CDH12: variants seen among roughly 807,000 people sequenced by gnomAD.
CDH12 encodes cadherin-12.
A neutral mutation model predicts 74.1 loss-of-function variants in CDH12; 41 were observed. The observed-to-expected ratio is 0.55, with a 90% CI of 0.43 to 0.72. CDH12 has a LOEUF of 0.72. Among genes scored for constraint, CDH12 ranks in the 30% least tolerant of loss-of-function variants. CDH12 has a pLI of 0.00. For synonymous variants in CDH12, 399 were observed against 355.0 expected (o/e 1.12, Z -1.39); for missense variants, 945 against 977.2 (o/e 0.97, Z 0.44).
chr5:22,113,400 A>C (rs1744923731), intron 4 of CDH12, among the ~76,000 whole-genome samples: 1 of 152,112 alleles, frequency 6.6e-6, no homozygotes, highest in Non-Finnish European at 1.5e-5. Context: ...CCATCAGAAG[A>C]ATCTTGGTCT....
At chr5:21,927,427 TAA>T (rs60889470) in intron 6 of CDH12, among the ~76,000 whole-genome samples, 22 of 148,954 alleles carry the variant, frequency 1.5e-4, no homozygotes, top group Admixed American at 4.0e-4. Context: ...CTACTAAAAA[TAA>T]AAAAAAAAAT....
At chr5:22,067,316 A>G (rs570390096) in intron 5 of CDH12, among the ~76,000 whole-genome samples, 2 of 152,338 alleles carry the variant, frequency 1.3e-5, no homozygotes, top group Admixed American at 1.3e-4. Context: ...GGAGCCTAGT[A>G]CTACCGGACA....
intron 4 of CDH12, among the ~76,000 whole-genome samples, chr5:22,104,243 A>T (rs1462175472): frequency 6.6e-6 from 1 of 152,208 alleles, no homozygotes; most frequent in Admixed American, 6.5e-5. Flanking sequence ...ATACTAAAAA[A>T]TAATTAGCTC....
chr5:22,044,352 G>A lies in CDH12; in HGVS notation c.231+34094C>T, dbSNP rs142953420. On this transcript the variant is annotated intron_variant, in intron 5 of 14. Coordinates refer to ENST00000382254, the MANE Select transcript of CDH12 (RefSeq NM_004061.5). ...GTTTAATTAACTCACAGTTCTGCAT[G>A]GCTGGAAGGACTCAGGAAACTAACA... 3.5e-3 allele frequency among the ~76,000 whole-genome samples: 530 copies of A among 152,288 alleles called. 1 individual carries two copies. The highest frequency in any genetic ancestry group is 0.012 in the African/African-American group (515 of 41,562).
intron 7 of CDH12, among the ~76,000 whole-genome samples, chr5:21,844,580 G>C (rs1381183202): frequency 3.3e-5 from 5 of 152,162 alleles, no homozygotes; most frequent in African/African-American, 1.2e-4. Context: ...AAACAGGGTA[G>C]AGCAGGAGGG....
chr5:22,028,457 T>C (rs1353085110), intron 5 of CDH12, among the ~76,000 whole-genome samples: 1 of 152,256 alleles, frequency 6.6e-6, no homozygotes. Context: ...AGCATTCTTA[T>C]ACACCAATAA....
intron 1 of CDH12, among the ~76,000 whole-genome samples, chr5:22,529,180 TATATATATAGAGAGAG>T (rs1431369786): frequency 4.9e-4 from 42 of 86,470 alleles, no homozygotes; most frequent in Non-Finnish European, 8.3e-4. Flanking sequence ...TATATATATA[TATATATATAGAGAGAG>T]AGAGAGAGAG....
chr5:22,388,353 G>T (rs958561254), intron 3 of CDH12, among the ~76,000 whole-genome samples: 1 of 151,812 alleles, frequency 6.6e-6, no homozygotes, highest in Non-Finnish European at 1.5e-5. Context: ...ATATATTAAA[G>T]AAAAGAGTTA....
chr5:22,367,713 C>T (rs1376306841), intron 3 of CDH12, among the ~76,000 whole-genome samples: 1 of 152,096 alleles, frequency 6.6e-6, no homozygotes, highest in African/African-American at 2.4e-5. Flanking sequence ...AATATAGAAG[C>T]CCATTCCTCT....
At chr5:22,314,193 G>A (rs1738512969) in intron 3 of CDH12, among the ~76,000 whole-genome samples, 1 of 152,128 alleles carries the variant, frequency 6.6e-6, no homozygotes, top group Non-Finnish European at 1.5e-5. Context: ...CTGAAGCTAA[G>A]GAACCCGGAT....
intron 1 of CDH12, among the ~76,000 whole-genome samples, chr5:22,584,376 A>G (rs1740264665): frequency 6.6e-6 from 1 of 152,186 alleles, no homozygotes; most frequent in South Asian, 2.1e-4. Flanking sequence ...CTGGGATTAT[A>G]GGTGTGAGCC....
At chr5:21,832,819 G>C (rs1401690272) in intron 8 of CDH12, among the ~76,000 whole-genome samples, 1 of 109,574 alleles carries the variant, frequency 9.1e-6, no homozygotes, top group Non-Finnish European at 1.7e-5. Flanking sequence ...TATAATATAT[G>C]ATATATATTA....
intron 3 of CDH12, among the ~76,000 whole-genome samples, chr5:22,284,082 A>C (rs911252494): frequency 2.0e-5 from 3 of 152,146 alleles, no homozygotes; most frequent in African/African-American, 7.2e-5. Context: ...GTTGAGTGCA[A>C]AAAAAGATTT....
chr5:21,781,607 C>T (rs967045068), intron 11 of CDH12, among the ~76,000 whole-genome samples: 10 of 151,944 alleles, frequency 6.6e-5, no homozygotes, highest in African/African-American at 2.4e-4. Context: ...GCCTGTGATA[C>T]CAGCTACTCG....
chr5:22,296,086 G>A lies in CDH12; in HGVS notation c.-332-83443C>T, dbSNP rs567525285. 8.2e-3 allele frequency among the ~76,000 whole-genome samples: 1,248 copies of A among 151,722 alleles called. 18 individuals carry two copies. Among genetic ancestry groups the A allele is most frequent in the African/African-American group, 0.029 (1,190 of 41,398 alleles). On this transcript the variant is annotated intron_variant, in intron 3 of 14. Coordinates refer to ENST00000382254, the MANE Select transcript of CDH12 (RefSeq NM_004061.5). ...CACTAACTTTATGATACCTATAGGA[G>A]AAAAATAATGCTTAAAGGGAAAAAA...
intron 2 of CDH12, among the ~76,000 whole-genome samples, chr5:22,442,111 T>C (rs970004572): frequency 3.3e-5 from 5 of 152,206 alleles, no homozygotes; most frequent in Non-Finnish European, 7.3e-5. Flanking sequence ...GATTATCCTA[T>C]GACTGACTAA....
chr5:22,616,893 C>G (rs573044465), intron 1 of CDH12, among the ~76,000 whole-genome samples: 12 of 151,816 alleles, frequency 7.9e-5, no homozygotes, highest in Non-Finnish European at 1.6e-4. Flanking sequence ...ACCATGGGGT[C>G]CCCCTCTGCC....
chr5:22,666,781 A>G (rs2126906858), intron 1 of CDH12, among the ~76,000 whole-genome samples: 1 of 152,334 alleles, frequency 6.6e-6, no homozygotes, highest in East Asian at 1.9e-4. Flanking sequence ...TCAATGGCAA[A>G]TTAATATTAT....
chr5:22,705,220 T>G (rs997250441), intron 1 of CDH12, among the ~76,000 whole-genome samples: 4 of 150,692 alleles, frequency 2.7e-5, no homozygotes, highest in Admixed American at 6.7e-5. Flanking sequence ...GTAACTTACA[T>G]TTCCTCAAAA....
Sources: allele counts gnomAD v4.1 joint callset (sites outside exome capture counted in the v4.1 genomes callset), GRCh38; gene constraint gnomAD v4.1.1; transcripts MANE v1.5; gene names NCBI Gene and HGNC (gene_info 2026-07-23, HGNC 2026-07-21).